Variants in TRAPPC6B observed in about 807,000 individuals in gnomAD.
The protein encoded by TRAPPC6B is TRAPP complex subunit 6B.
TRAPPC6B carries 27 observed loss-of-function variants against 24.7 expected under a neutral mutation model. The observed-to-expected ratio is 1.09, with a 90% CI of 0.81 to 1.51. TRAPPC6B has a LOEUF of 1.51. TRAPPC6B is among the 40% of genes most tolerant of loss of function. TRAPPC6B has a pLI of 0.00. For missense variants in TRAPPC6B, 212 were observed against 190.8 expected, an observed-to-expected ratio of 1.11 and a Z score of -0.66; for synonymous variants, 80 against 66.6, an observed-to-expected ratio of 1.20 and a Z score of -0.98.
rs186382684 is a variant in TRAPPC6B at position 39,156,877 on chromosome 14, G to A, written c.267+1408C>T. 355 of 152,910 alleles carry A rather than the reference G, an allele frequency of 2.3e-3. 1 individual carries two copies. Among genetic ancestry groups the A allele is most frequent in the Non-Finnish European group, 4.0e-3 (274 of 68,616 alleles). The allele number at this position is 152,910 out of a possible 1,614,324, so 9.5% of individuals were successfully genotyped here. ...TGTACTCCCAGCACATTGGGAGGCC[G>A]AGACAAGCGGATCACTTGAGGTCAG... On this transcript the variant is annotated intron_variant, in intron 3 of 5. Transcript: ENST00000330149.
Position 39,150,259 on chromosome 14 carries a change from G to A in TRAPPC6B, c.*91C>T, listed in dbSNP as rs753523357. On this transcript the variant is annotated 3_prime_UTR_variant, in exon 6 of 6. Transcript: ENST00000330149. Reference sequence around the variant, plus strand: ...ACATGCTTACTCCTGTACAAACATCGAACAATGTAATTAAATCATCACTAC... The same window carrying A: ...ACATGCTTACTCCTGTACAAACATCAAACAATGTAATTAAATCATCACTAC... The A allele has an allele frequency of 2.2e-5, 24 of 1,108,622 alleles. No individual in the cohort carries two copies. The highest frequency in any genetic ancestry group is 1.2e-4 in the East Asian group (5 of 40,374). 68.7% of individuals were successfully genotyped at this position (1,108,622 alleles called of 1,614,324 possible). A position where few individuals can be genotyped will look rare whatever the true frequency, so the allele number is the denominator to read the frequency against.
Position 39,148,395 on chromosome 14 carries a change from G to C in TRAPPC6B, c.*1955C>G, listed in dbSNP as rs918426421. ...ATCAACACTCACCCTCTCTAGGCTA[G>C]GGAAGCACCCTATTCTATAGCACAA... On this transcript the variant is annotated 3_prime_UTR_variant, in exon 6 of 6. Coordinates refer to ENST00000330149, the MANE Select transcript of TRAPPC6B (RefSeq NM_001079537.2). The C allele has an allele frequency of 3.1e-6, 1 of 327,822 alleles. No homozygotes were observed. The highest frequency in any genetic ancestry group is 5.5e-6 in the Non-Finnish European group (1 of 181,142). 20.3% of individuals were successfully genotyped at this position (327,822 alleles called of 1,614,324 possible). A position where few individuals can be genotyped will look rare whatever the true frequency, so the allele number is the denominator to read the frequency against.
chr14:39,154,083 A>C (rs1290400937), intron 4 of TRAPPC6B, 128 bp downstream of exon 4: 3 of 596,920 alleles, frequency 5.0e-6, no homozygotes, highest in East Asian at 2.8e-5. Flanking sequence ...ATTTCATAGA[A>C]AACTCTTTAA....
Position 39,155,675 on chromosome 14 carries a change from T to C in TRAPPC6B, c.268-1381A>G, listed in dbSNP as rs556758607. On this transcript the variant is annotated intron_variant, in intron 3 of 5. Coordinates refer to ENST00000330149, the MANE Select transcript of TRAPPC6B (RefSeq NM_001079537.2). The stretch of plus-strand genomic sequence containing the variant: ...CCTCAGCCTCCTGAGTGGCTGGGAC[T>C]ATAAGCGTGCGCCAATATGCCTGGC... Among the ~76,000 whole-genome samples, 3 of 152,256 alleles carry C rather than the reference T, an allele frequency of 2.0e-5. No homozygotes were observed. The South Asian group carries it at 6.2e-4, about 32-fold the overall frequency.
At chr14:39,161,034 C>A (rs62000579) in intron 1 of TRAPPC6B, among the ~76,000 whole-genome samples, 121 of 152,310 alleles carry the variant, frequency 7.9e-4, no homozygotes, top group Non-Finnish European at 1.3e-3. Context: ...AGACTCCCCA[C>A]CATTTGCGAA....
At chr14:39,159,747 T>A (rs930460750) in intron 1 of TRAPPC6B, among the ~76,000 whole-genome samples, 197 bp from the exon 2 acceptor site, 1 of 152,224 alleles carries the variant, frequency 6.6e-6, no homozygotes, top group African/African-American at 2.4e-5. Flanking sequence ...TTTTTACTTT[T>A]TTTTTGATAA....
At chr14:39,151,040 G>A (rs2052905532) in intron 5 of TRAPPC6B, among the ~76,000 whole-genome samples, 1 of 152,050 alleles carries the variant, frequency 6.6e-6, no homozygotes, top group African/African-American at 2.4e-5. Context: ...AGTGATAAAA[G>A]AATATTTGGT....
In TRAPPC6B at chr14:39,158,313, T is replaced by C; in HGVS notation, c.239A>G (p.Gln80Arg). The C allele has an allele frequency of 6.3e-7, 1 of 1,597,696 alleles. No homozygotes were observed. Among genetic ancestry groups the C allele is most frequent in the Non-Finnish European group, 8.5e-7 (1 of 1,174,268 alleles). ...ATGATTTGTCCTTAGATTGTCGATT[T>C]GTTTCTTGAATACCGTAGTCCAAAA... ...KDFWTTVFKK[Q>R]IDNLRTNHQG... The change falls in exon 3 of 6, where the codon CAA becomes CGA. Residue 80 changes from glutamine to arginine, a missense_variant. Transcript: ENST00000330149.
In TRAPPC6B at chr14:39,158,413, C is replaced by G. The variant is rs1313333326; in HGVS notation, c.150-11G>C. The G allele has an allele frequency of 6.9e-7, 1 of 1,443,844 alleles. No homozygotes were observed. The highest frequency in any genetic ancestry group is 1.4e-5 in the African/African-American group (1 of 70,212). 89.4% of individuals were successfully genotyped at this position (1,443,844 alleles called of 1,614,324 possible). A position where few individuals can be genotyped will look rare whatever the true frequency, so the allele number is the denominator to read the frequency against. On this transcript the variant is annotated splice_polypyrimidine_tract_variant and intron_variant, in intron 2 of 5. Coordinates refer to ENST00000330149, the MANE Select transcript of TRAPPC6B (RefSeq NM_001079537.2). Reference sequence around the variant, plus strand: ...GTATCTTTTGTAAACCTAAAAAGATCAACTAGAAGTAATACAGTATTTCTC... The same window carrying G: ...GTATCTTTTGTAAACCTAAAAAGATGAACTAGAAGTAATACAGTATTTCTC...
At chr14:39,166,085 A>G (rs1326469711) in intron 1 of TRAPPC6B, among the ~76,000 whole-genome samples, 1 of 150,924 alleles carries the variant, frequency 6.6e-6, no homozygotes, top group African/African-American at 2.4e-5. Flanking sequence ...TACAGGCCTG[A>G]GCCACCGTGT....
Position 39,159,311 on chromosome 14 carries a change from A to G in TRAPPC6B, c.149+172T>C, listed in dbSNP as rs533838850. ...CTTTAAACATTAAAATAAAATTTGA[A>G]TAAATGAGTTAAATGGCATTGGATC... On this transcript the variant is annotated intron_variant, in intron 2 of 5. Transcript: ENST00000330149. 2.2e-5 allele frequency: 8 copies of G among 365,196 alleles called. No individual in the cohort carries two copies. The South Asian group carries it at 5.4e-4, about 24-fold the overall frequency. 22.6% of individuals were successfully genotyped at this position (365,196 alleles called of 1,614,324 possible). A position where few individuals can be genotyped will look rare whatever the true frequency, so the allele number is the denominator to read the frequency against.
At chr14:39,168,543 T>C (rs899293059) in intron 1 of TRAPPC6B, among the ~76,000 whole-genome samples, 1 of 152,006 alleles carries the variant, frequency 6.6e-6, no homozygotes, top group Admixed American at 6.6e-5. Context: ...GTACCTTTTT[T>C]TGGATGTCAT....
chr14:39,160,317 C>G (rs1430363581), intron 1 of TRAPPC6B, among the ~76,000 whole-genome samples: 2 of 152,170 alleles, frequency 1.3e-5, no homozygotes, highest in East Asian at 3.9e-4. Flanking sequence ...GTGGCTCATG[C>G]CTGTAATCCC....
At position 39,148,754 on chromosome 14, in the gene TRAPPC6B, G is replaced by C. The variant is rs1023445349; in HGVS notation, c.*1596C>G. 5 of 398,308 alleles carry C rather than the reference G, an allele frequency of 1.3e-5. No homozygotes were observed. Among genetic ancestry groups the C allele is most frequent in the Middle Eastern group, 6.2e-4 (1 of 1,606 alleles). 24.7% of individuals were successfully genotyped at this position (398,308 alleles called of 1,614,324 possible). On this transcript the variant is annotated 3_prime_UTR_variant, in exon 6 of 6. Coordinates refer to ENST00000330149, the MANE Select transcript of TRAPPC6B (RefSeq NM_001079537.2). ...AAAACATGTGAGAATTAGGATTGCAGTCATGCATTGCTTAGCAAAGGGGAT... is the reference window on the plus strand; with the variant it reads ...AAAACATGTGAGAATTAGGATTGCACTCATGCATTGCTTAGCAAAGGGGAT...
In TRAPPC6B at chr14:39,150,108, A is replaced by C; in HGVS notation, c.*242T>G. ...CTAACCAAATAAAAAGGTTTAAAAT[A>C]AGGGCCCTGCATCTTGGTGTCTGGT... On this transcript the variant is annotated 3_prime_UTR_variant, in exon 6 of 6. Coordinates refer to ENST00000330149, the MANE Select transcript of TRAPPC6B (RefSeq NM_001079537.2). The C allele has an allele frequency of 1.3e-5, 5 of 380,552 alleles. No homozygotes were observed. Among genetic ancestry groups the C allele is most frequent in the Non-Finnish European group, 1.9e-5 (4 of 215,772 alleles). The allele number at this position is 380,552 out of a possible 1,614,324, so 23.6% of individuals were successfully genotyped here.
chr14:39,168,652 A>G (rs1021142119), intron 1 of TRAPPC6B, among the ~76,000 whole-genome samples: 16 of 152,012 alleles, frequency 1.1e-4, no homozygotes. Context: ...TAATAGTACC[A>G]CCATCCAACC....
At chr14:39,161,849 A>C (rs548250860) in intron 1 of TRAPPC6B, among the ~76,000 whole-genome samples, 1 of 152,340 alleles carries the variant, frequency 6.6e-6, no homozygotes, top group South Asian at 2.1e-4. Flanking sequence ...GGCAGCTTCC[A>C]GATGAGAAGC....
intron 1 of TRAPPC6B, 44 bp from the exon 2 acceptor site, chr14:39,159,594 G>C (rs1377126113): frequency 2.9e-6 from 4 of 1,378,888 alleles, no homozygotes; most frequent in African/African-American, 1.4e-5. Context: ...AGAATGCTAG[G>C]ATGTTAGTAT....
At chr14:39,169,738 A>G (rs1055493569) in intron 1 of TRAPPC6B, among the ~76,000 whole-genome samples, 3 of 152,238 alleles carry the variant, frequency 2.0e-5, no homozygotes, top group Non-Finnish European at 4.4e-5. Context: ...CAGGGACAAC[A>G]CTAAAAGTAC....
Sources: allele counts gnomAD v4.1 joint callset (sites outside exome capture counted in the v4.1 genomes callset), GRCh38; gene constraint gnomAD v4.1.1; transcripts MANE v1.5; gene names NCBI Gene and HGNC (gene_info 2026-07-23, HGNC 2026-07-21).